Variants in FHIT observed in about 807,000 individuals in gnomAD.
FHIT encodes the protein fragile histidine triad diadenosine triphosphatase.
Under a neutral mutation model 17.9 loss-of-function variants are expected in FHIT, and 19 were observed. That is an observed-to-expected ratio of 1.06 (90% CI 0.74 to 1.56). The LOEUF (loss-of-function observed/expected upper bound fraction) is 1.56, where lower values mean the gene tolerates loss of function less well. Ranked by LOEUF, FHIT falls within the 40% of genes most tolerant of loss-of-function variation. The probability of loss-of-function intolerance (pLI) is 0.00; values close to 1 mark genes in which losing one functional copy is unlikely to be tolerated. For synonymous variants in FHIT, 81 were observed against 69.7 expected (o/e 1.16, Z -0.81); for missense variants, 248 against 189.2 (o/e 1.31, Z -1.82).
rs149287898 is a variant in FHIT, at chr3:59,984,445, C to T, written c.279+26926G>A. 1.5e-4 allele frequency among the ~76,000 whole-genome samples: 23 copies of T among 152,150 alleles called. 1 individual carries two copies. In the East Asian group the frequency reaches 4.1e-3, roughly 27 times the overall value. Reference sequence around the variant, plus strand: ...GAACATGCTACCCTCTGAGTTTTCGCACTTACGACATAGGAAGCTGGGGAA... The same window carrying T: ...GAACATGCTACCCTCTGAGTTTTCGTACTTACGACATAGGAAGCTGGGGAA... On this transcript the variant is annotated intron_variant, in intron 7 of 9. Transcript: ENST00000492590.
At chr3:60,298,716 G>C (rs1480507633) in intron 5 of FHIT, among the ~76,000 whole-genome samples, 1 of 152,124 alleles carries the variant, frequency 6.6e-6, no homozygotes, top group Non-Finnish European at 1.5e-5. Context: ...GAATTGATAT[G>C]ATCATGTCAT....
intron 2 of FHIT, among the ~76,000 whole-genome samples, chr3:61,059,294 C>T (rs1283184142): frequency 6.7e-6 from 1 of 149,692 alleles, no homozygotes; most frequent in Non-Finnish European, 1.5e-5. Flanking sequence ...ATTTTATTCT[C>T]AAAAAAAGTG....
chr3:59,835,415 AAG>A (rs533000723), intron 8 of FHIT, among the ~76,000 whole-genome samples: 7 of 152,206 alleles, frequency 4.6e-5, no homozygotes, highest in South Asian at 2.1e-4. Flanking sequence ...CTTCATAATA[AAG>A]AGAGTCTTTG....
intron 1 of FHIT, among the ~76,000 whole-genome samples, chr3:61,217,290 A>AG (rs1560087180): frequency 6.6e-6 from 1 of 152,198 alleles, no homozygotes; most frequent in African/African-American, 2.4e-5. Flanking sequence ...CTTGAAAGTT[A>AG]GGGGCTGGAA....
intron 8 of FHIT, among the ~76,000 whole-genome samples, chr3:59,856,484 G>A (rs1039873414): frequency 1.2e-4 from 19 of 152,060 alleles, no homozygotes; most frequent in African/African-American, 4.6e-4. Flanking sequence ...CTGTTACTAG[G>A]ACCAGGCATA....
chr3:60,499,140 C>G (rs2034420303), intron 5 of FHIT, among the ~76,000 whole-genome samples: 1 of 152,166 alleles, frequency 6.6e-6, no homozygotes, highest in Non-Finnish European at 1.5e-5. Flanking sequence ...TTCTACAGAG[C>G]CTCTACAAGA....
chr3:61,136,160 G>C (rs1318508493), intron 2 of FHIT, among the ~76,000 whole-genome samples: 1 of 152,038 alleles, frequency 6.6e-6, no homozygotes, highest in African/African-American at 2.4e-5. Flanking sequence ...CATATCCCCA[G>C]ACACTTGGAT....
chr3:60,160,874 T>A (rs1443200883), intron 5 of FHIT, among the ~76,000 whole-genome samples: 1 of 151,924 alleles, frequency 6.6e-6, no homozygotes, highest in Admixed American at 6.6e-5. Flanking sequence ...CAAATTCAAA[T>A]TTCTCCTGAA....
At chr3:60,412,161 G>C (rs1460667159) in intron 5 of FHIT, among the ~76,000 whole-genome samples, 1 of 152,200 alleles carries the variant, frequency 6.6e-6, no homozygotes, top group Admixed American at 6.5e-5. Flanking sequence ...GATGGCTTGA[G>C]CCTAGGAGTT....
chr3:59,951,591 G>C (rs1707119104), intron 7 of FHIT, among the ~76,000 whole-genome samples: 1 of 152,186 alleles, frequency 6.6e-6, no homozygotes, highest in Admixed American at 6.5e-5. Flanking sequence ...CCTCAGTCCT[G>C]GTAAGAGATC....
chr3:60,939,420 T>C (rs1440173234), intron 3 of FHIT, among the ~76,000 whole-genome samples: 1 of 152,176 alleles, frequency 6.6e-6, no homozygotes, highest in East Asian at 1.9e-4. Context: ...CCTTTAGTCC[T>C]TTACAGAAAA....
intron 8 of FHIT, among the ~76,000 whole-genome samples, chr3:59,783,701 T>G (rs938169045): frequency 6.6e-6 from 1 of 152,158 alleles, no homozygotes; most frequent in Non-Finnish European, 1.5e-5. Flanking sequence ...TCCACCCACT[T>G]GATGTGGTGA....
intron 4 of FHIT, among the ~76,000 whole-genome samples, chr3:60,622,832 C>T (rs1553679294): frequency 6.6e-6 from 1 of 152,194 alleles, no homozygotes; most frequent in African/African-American, 2.4e-5. Flanking sequence ...CCTTGTCCTT[C>T]ATCAGTAGTT....
chr3:60,496,217 G>A (rs2034294228), intron 5 of FHIT, among the ~76,000 whole-genome samples: 1 of 151,988 alleles, frequency 6.6e-6, no homozygotes, highest in African/African-American at 2.4e-5. Context: ...AACCCACTAA[G>A]ATTCCAAGCG....
intron 4 of FHIT, among the ~76,000 whole-genome samples, chr3:60,762,606 G>A (rs551679322): frequency 6.6e-6 from 1 of 152,312 alleles, no homozygotes; most frequent in East Asian, 1.9e-4. Context: ...AATTTCAGGT[G>A]TCAATTTGGC....
intron 4 of FHIT, among the ~76,000 whole-genome samples, chr3:60,802,407 T>G (rs1366583027): frequency 6.6e-6 from 1 of 152,172 alleles, no homozygotes; most frequent in Non-Finnish European, 1.5e-5. Flanking sequence ...ACATCATAAA[T>G]TAAAGGCTCC....
At chr3:60,150,232 G>A (rs1700407731) in intron 5 of FHIT, among the ~76,000 whole-genome samples, 1 of 151,962 alleles carries the variant, frequency 6.6e-6, no homozygotes, top group Non-Finnish European at 1.5e-5. Flanking sequence ...CCTGACCTCA[G>A]GTGGTCCACC....
intron 5 of FHIT, among the ~76,000 whole-genome samples, chr3:60,383,717 A>C (rs187832481): frequency 3.3e-5 from 5 of 152,230 alleles, no homozygotes; most frequent in African/African-American, 1.2e-4. Context: ...CCATGTGACC[A>C]TTTAGAGAGT....
intron 3 of FHIT, among the ~76,000 whole-genome samples, chr3:60,828,678 G>C (rs1368447933): frequency 2.0e-5 from 3 of 151,988 alleles, no homozygotes; most frequent in African/African-American, 7.3e-5. Flanking sequence ...AGGAGTTTGA[G>C]ACCAGCCTGA....
Sources: gnomAD v4.1 joint callset for allele counts (sites outside exome capture counted in the v4.1 genomes callset) on GRCh38, gnomAD v4.1.1 for gene constraint, MANE v1.5 for transcripts, NCBI Gene and HGNC (gene_info 2026-07-23, HGNC 2026-07-21) for gene names.